The following OLFM3 variants were observed in gnomAD, a reference collection of about 807,000 sequenced individuals.
OLFM3 encodes the protein noelin-3.
In OLFM3, 20 loss-of-function variants were observed where a neutral mutation model predicts 48.6. The observed-to-expected ratio is 0.41, with a 90% CI of 0.29 to 0.60. The LOEUF (loss-of-function observed/expected upper bound fraction) is 0.60. Among genes scored for constraint, OLFM3 ranks in the 20% least tolerant of loss-of-function variants. OLFM3 has a pLI of 0.28. For synonymous variants in OLFM3, 222 were observed against 198.1 expected (o/e 1.12, Z -1.01); for missense variants, 437 against 544.3 (o/e 0.80, Z 1.96).
intron 1 of OLFM3, among the ~76,000 whole-genome samples, chr1:101,837,433 T>C (rs1655482096): frequency 6.6e-6 from 1 of 152,196 alleles, no homozygotes; most frequent in South Asian, 2.1e-4. Context: ...TTTCTAATTA[T>C]AATTCATGTG....
At chr1:101,859,759 T>A (rs1557705415) in intron 1 of OLFM3, 1 of 152,088 alleles carries the variant, frequency 6.6e-6, no homozygotes, top group South Asian at 2.1e-4. Flanking sequence ...TTAAGAATTG[T>A]CTAGGCCAGT....
At chr1:101,815,716 G>A (rs1044196677) in intron 4 of OLFM3, among the ~76,000 whole-genome samples, 2 of 152,064 alleles carry the variant, frequency 1.3e-5, no homozygotes, top group Non-Finnish European at 2.9e-5. Context: ...GAATGGGTTT[G>A]GGAGCAAAAA....
chr1:101,821,434 CATTT>C (rs1312996818), intron 4 of OLFM3, among the ~76,000 whole-genome samples: 4 of 151,818 alleles, frequency 2.6e-5, no homozygotes, highest in Non-Finnish European at 5.9e-5. Flanking sequence ...TATGAAGTTT[CATTT>C]ATTTATTTTT....
chr1:101,969,621 C>T (rs1197588088), intron 1 of OLFM3, among the ~76,000 whole-genome samples: 1 of 152,136 alleles, frequency 6.6e-6, no homozygotes, highest in Non-Finnish European at 1.5e-5. Context: ...TAACCAACTC[C>T]AACACATTAG....
At chr1:101,969,393 G>A (rs894650522) in intron 1 of OLFM3, among the ~76,000 whole-genome samples, 6 of 150,756 alleles carry the variant, frequency 4.0e-5, no homozygotes, top group Admixed American at 6.6e-5. Flanking sequence ...TCTTGAACTC[G>A]TGGACTCAAG....
At chr1:101,912,837 A>G (rs1263167270) in intron 1 of OLFM3, among the ~76,000 whole-genome samples, 2 of 152,192 alleles carry the variant, frequency 1.3e-5, no homozygotes, top group African/African-American at 4.8e-5. Flanking sequence ...TTAATGGTAA[A>G]AAGGGCTAGT....
chr1:101,872,616 T>A lies in OLFM3; in HGVS notation c.70-35591A>T, dbSNP rs188005179. Among the ~76,000 whole-genome samples the A allele has an allele frequency of 5.3e-5, 8 of 152,140 alleles. No individual in the cohort carries two copies. The East Asian group carries it at 1.4e-3, about 26-fold the overall frequency. On this transcript the variant is annotated intron_variant, in intron 1 of 5. Coordinates refer to ENST00000370103, the MANE Select transcript of OLFM3 (RefSeq NM_058170.4). ...CTGGAAAGATCTCAGTTGTTCTGGT[T>A]CAATCTCATTTCCTCAGAAGTTAGA... is the stretch of plus-strand genomic sequence containing the variant.
chr1:101,970,931 C>T (rs946707682), intron 1 of OLFM3, among the ~76,000 whole-genome samples: 1 of 145,364 alleles, frequency 6.9e-6, no homozygotes, highest in Non-Finnish European at 1.6e-5. Flanking sequence ...AAGCACCTTA[C>T]TGCTGTGTAT....
rs758620526 is a variant in OLFM3 at position 101,880,457 on chromosome 1, T to C, written c.70-43432A>G. On this transcript the variant is annotated intron_variant, in intron 1 of 5. Coordinates refer to ENST00000370103, the MANE Select transcript of OLFM3 (RefSeq NM_058170.4). The stretch of plus-strand genomic sequence containing the variant: ...ATCTTTTTTTTAAATCCCTTTCTAA[T>C]GAATGAAACTAGGGGAATTTCAGGG... 2.0e-5 allele frequency among the ~76,000 whole-genome samples: 3 copies of C among 151,848 alleles called. No homozygotes were observed. In the South Asian group the frequency reaches 6.2e-4, roughly 31 times the overall value.
chr1:101,855,446 C>T (rs886445821), intron 1 of OLFM3, among the ~76,000 whole-genome samples: 2 of 152,076 alleles, frequency 1.3e-5, no homozygotes, highest in African/African-American at 4.8e-5. Flanking sequence ...GTGTCTCATA[C>T]ACACACTCAC....
intron 1 of OLFM3, among the ~76,000 whole-genome samples, chr1:101,921,879 G>A (rs1659106387): frequency 6.6e-6 from 1 of 152,036 alleles, no homozygotes; most frequent in Admixed American, 6.6e-5. Context: ...CCAACATGAT[G>A]AAACCCCACC....
chr1:101,880,734 C>A (rs1657491639), intron 1 of OLFM3, among the ~76,000 whole-genome samples: 1 of 151,842 alleles, frequency 6.6e-6, no homozygotes, highest in Admixed American at 6.6e-5. Context: ...ACAGACTGAG[C>A]TTTCTGCTGC....
At chr1:101,867,430 T>C (rs1197313229) in intron 1 of OLFM3, among the ~76,000 whole-genome samples, 2 of 152,346 alleles carry the variant, frequency 1.3e-5, no homozygotes, top group East Asian at 3.9e-4. Context: ...GAAGGATTGT[T>C]ACCTTCCTTG....
intron 1 of OLFM3, among the ~76,000 whole-genome samples, chr1:101,936,953 G>A (rs1461699434): frequency 6.6e-6 from 1 of 152,074 alleles, no homozygotes; most frequent in Non-Finnish European, 1.5e-5. Context: ...CATCATATAT[G>A]AAAATCAACT....
chr1:101,857,492 A>G (rs1055988515), intron 1 of OLFM3, among the ~76,000 whole-genome samples: 7 of 152,000 alleles, frequency 4.6e-5, no homozygotes, highest in Non-Finnish European at 1.0e-4. Flanking sequence ...AGACATATAT[A>G]CATTATATAA....
intron 1 of OLFM3, among the ~76,000 whole-genome samples, chr1:101,868,467 G>A (rs973990742): frequency 2.0e-5 from 3 of 152,228 alleles, no homozygotes; most frequent in African/African-American, 7.2e-5. Flanking sequence ...CTAAAGATCT[G>A]TGGAATTTTT....
intron 1 of OLFM3, among the ~76,000 whole-genome samples, chr1:101,880,517 T>C (rs937953578): frequency 2.6e-5 from 4 of 151,796 alleles, no homozygotes; most frequent in Non-Finnish European, 4.4e-5. Flanking sequence ...ATAAACTGTA[T>C]GTAGTTTTCA....
intron 1 of OLFM3, among the ~76,000 whole-genome samples, chr1:101,957,006 G>T (rs1660318128): frequency 6.6e-6 from 1 of 151,774 alleles, no homozygotes; most frequent in East Asian, 1.9e-4. Context: ...AAAAAAAGTG[G>T]CTGTAGATCA....
chr1:101,865,101 G>A (rs1656804896), intron 1 of OLFM3, among the ~76,000 whole-genome samples: 1 of 152,088 alleles, frequency 6.6e-6, no homozygotes, highest in South Asian at 2.1e-4. Flanking sequence ...TCCTCCTTAT[G>A]TAGAATTCAC....
Sources: allele counts gnomAD v4.1 joint callset (sites outside exome capture counted in the v4.1 genomes callset), GRCh38; gene constraint gnomAD v4.1.1; transcripts MANE v1.5; gene names NCBI Gene and HGNC (gene_info 2026-07-23, HGNC 2026-07-21).